RNASEK: variants seen among roughly 807,000 people sequenced by gnomAD.
The protein encoded by RNASEK is ribonuclease kappa.
RNASEK carries 7 observed loss-of-function variants against 11.2 expected under a neutral mutation model. That is an observed-to-expected ratio of 0.62 (90% confidence interval 0.35 to 1.17). The LOEUF (loss-of-function observed/expected upper bound fraction) is 1.17, where lower values mean the gene tolerates loss of function less well. RNASEK is among the 50% of genes most tolerant of loss of function. The pLI is 0.02. For missense variants in RNASEK, 101 were observed against 126.7 expected (o/e 0.80, Z 0.97); for synonymous variants, 46 against 49.5 (o/e 0.93, Z 0.30).
Position 7,013,502 on chromosome 17 carries a change from C to T in RNASEK, c.79-164C>T, listed in dbSNP as rs191867158. ...ACCACTTGTCTCAATGTCACCACCT[C>T]ACGCCCTGTTCCAGGTGGCTGAGTC... On this transcript the variant is annotated intron_variant, in intron 1 of 2. Coordinates refer to ENST00000593646, the MANE Select transcript of RNASEK (RefSeq NM_001004333.5). 505 of 1,573,618 alleles carry T rather than the reference C, an allele frequency of 3.2e-4. 2 individuals carry two copies. In the African/African-American group the frequency reaches 5.5e-3, roughly 17 times the overall value.
intron 1 of RNASEK, chr17:7,013,402 A>G (rs776966111): frequency 2.5e-5 from 39 of 1,535,754 alleles, no homozygotes; most frequent in Non-Finnish European, 3.4e-5. Context: ...TCCCGTGATG[A>G]TGACGCCTCC....
chr17:7,012,843 C>T lies in RNASEK; in HGVS notation c.78+82C>T, dbSNP rs375971867. 1.5e-4 allele frequency: 194 copies of T among 1,335,410 alleles called. 1 individual carries two copies. In the South Asian group the frequency reaches 2.2e-3, roughly 15 times the overall value. The allele number at this position is 1,335,410 out of a possible 1,614,324, so 82.7% of individuals were successfully genotyped here. On this transcript the variant is annotated intron_variant, in intron 1 of 2. Coordinates refer to ENST00000593646, the MANE Select transcript of RNASEK (RefSeq NM_001004333.5). ...GGCTGGGAGGCGAGGAAACTCTGGG[C>T]CGCAGGCAGGCCGGAGGGGCCGGGG...
rs1174769883 is a variant in RNASEK, at chr17:7,012,737, C to T, written c.54C>T (p.Leu18=). Residue 18 remains leucine (L), a synonymous_variant, in exon 1 of 3, where the codon CTC becomes CTT. Transcript: ENST00000593646. Reference sequence around the variant, plus strand: ...AGCTGGCCGCCTGCGGCATCGTCCTCAGCGCCTGGGGAGTGATCATGTTGG... The same window carrying T: ...AGCTGGCCGCCTGCGGCATCGTCCTTAGCGCCTGGGGAGTGATCATGTTGG... ...GPKLAACGIV[L]SAWGVIMLIM... is the part of the protein sequence containing the mutation. The T allele has an allele frequency of 1.2e-6, 2 of 1,613,276 alleles. No individual in the cohort carries two copies. The highest frequency in any genetic ancestry group is 1.7e-6 in the Non-Finnish European group (2 of 1,179,820).
At chr17:7,013,328 C>T in intron 1 of RNASEK, 8 of 1,520,368 alleles carry the variant, frequency 5.3e-6, no homozygotes, top group Non-Finnish European at 6.2e-6. Flanking sequence ...GTAATCCACC[C>T]ACCGCCACTT....
chr17:7,013,318 GT>G, intron 1 of RNASEK: 1 of 1,514,680 alleles, frequency 6.6e-7, no homozygotes, highest in Non-Finnish European at 8.8e-7. Flanking sequence ...TGTTTTCCCA[GT>G]AATCCACCCA....
chr17:7,013,248 TTGAA>T, intron 1 of RNASEK: 1 of 1,204,908 alleles, frequency 8.3e-7, no homozygotes, highest in Non-Finnish European at 1.1e-6. Context: ...GGTGCTTGAG[TTGAA>T]TGGAGGACAT....
At chr17:7,012,841 G>A in intron 1 of RNASEK, 80 bp downstream of exon 1, 2 of 1,363,930 alleles carry the variant, frequency 1.5e-6, no homozygotes, top group Non-Finnish European at 2.0e-6. Flanking sequence ...GGAAACTCTG[G>A]GCCGCAGGCA....
In RNASEK at chr17:7,014,052, G is replaced by A. The variant is rs1377466163; in HGVS notation, c.156-93G>A. On this transcript the variant is annotated intron_variant, in intron 2 of 2. Coordinates refer to ENST00000593646, the MANE Select transcript of RNASEK (RefSeq NM_001004333.5). The surrounding 1 kb of genome is among the most constrained non-coding windows in gnomAD (Gnocchi z 4.5). ...AAGAAGATTGAATAAAGTAATACACGTAACAGCGCCTAAACAGGTGTCGGG... is the reference window on the plus strand; with the variant it reads ...AAGAAGATTGAATAAAGTAATACACATAACAGCGCCTAAACAGGTGTCGGG... 7.6e-6 allele frequency: 9 copies of A among 1,179,374 alleles called. No individual in the cohort carries two copies. The highest frequency in any genetic ancestry group is 5.1e-5 in the East Asian group (2 of 39,030). The allele number at this position is 1,179,374 out of a possible 1,614,324, so 73.1% of individuals were successfully genotyped here.
Position 7,013,063 on chromosome 17 carries a change from T to C in RNASEK, c.78+302T>C, listed in dbSNP as rs990366808. 2.6e-4 allele frequency: 119 copies of C among 457,504 alleles called. 1 individual carries two copies. The East Asian group carries it at 5.3e-3, about 20-fold the overall frequency. The allele number at this position is 457,504 out of a possible 1,614,324, so 28.3% of individuals were successfully genotyped here. On this transcript the variant is annotated intron_variant, in intron 1 of 2. Coordinates refer to ENST00000593646, the MANE Select transcript of RNASEK (RefSeq NM_001004333.5). ...TCGCTTGAATCCGGGAGGCGGAGGG[T>C]GCAGTGAGCCGAGATCGCGCCACTG...
chr17:7,014,437 C>A lies in RNASEK; in HGVS notation c.*151C>A. On this transcript the variant is annotated 3_prime_UTR_variant, in exon 3 of 3. Coordinates refer to ENST00000593646, the MANE Select transcript of RNASEK (RefSeq NM_001004333.5). The surrounding 1 kb of genome is among the most constrained non-coding windows in gnomAD (Gnocchi z 4.5). Reference sequence around the variant, plus strand: ...GAATCCCTTCTCCCATCTCTGGCATCCGGCCCCCGTGGAGAGGGCTGAGGC... The same window carrying A: ...GAATCCCTTCTCCCATCTCTGGCATACGGCCCCCGTGGAGAGGGCTGAGGC... The A allele has an allele frequency of 1.2e-6, 1 of 806,502 alleles. No individual in the cohort carries two copies. The highest frequency in any genetic ancestry group is 1.9e-6 in the Non-Finnish European group (1 of 516,542). 50.0% of individuals were successfully genotyped at this position (806,502 alleles called of 1,614,324 possible).
Position 7,014,135 on chromosome 17 carries a change from C to T in RNASEK, c.156-10C>T. The T allele has an allele frequency of 6.4e-7, 1 of 1,552,780 alleles. No homozygotes were observed. Among genetic ancestry groups the T allele is most frequent in the Non-Finnish European group, 8.7e-7 (1 of 1,147,470 alleles). ...AAAGTTTGACCCCTTTGCTTCATTCCCACCCCCAGGAATGGCCCCCAGAAC... is the reference window on the plus strand; with the variant it reads ...AAAGTTTGACCCCTTTGCTTCATTCTCACCCCCAGGAATGGCCCCCAGAAC... On this transcript the variant is annotated splice_polypyrimidine_tract_variant and intron_variant, in intron 2 of 2. Coordinates refer to ENST00000593646, the MANE Select transcript of RNASEK (RefSeq NM_001004333.5). This position sits in a 1 kb window ranked among gnomAD's most constrained non-coding sequence, Gnocchi z 4.5.
chr17:7,013,820 G>T (rs1909609828), intron 2 of RNASEK, 78 bp downstream of exon 2: 1 of 1,164,738 alleles, frequency 8.6e-7, no homozygotes, highest in African/African-American at 1.5e-5. Context: ...ACGTCTGGGA[G>T]GCCCGGTGCT....
chr17:7,012,904 T>A, intron 1 of RNASEK, 143 bp downstream of exon 1: 1 of 691,504 alleles, frequency 1.4e-6, no homozygotes, highest in Non-Finnish European at 2.4e-6. Context: ...AGACTGAAAT[T>A]GAAAAATGGG....
At chr17:7,013,641 C>T in intron 1 of RNASEK, 25 bp from the exon 2 acceptor site, 2 of 1,607,282 alleles carry the variant, frequency 1.2e-6, no homozygotes, top group Non-Finnish European at 1.7e-6. Flanking sequence ...CTGAATTCAA[C>T]AGTCTACCCA....
At chr17:7,013,235 A>C in intron 1 of RNASEK, 2 of 1,069,038 alleles carry the variant, frequency 1.9e-6, no homozygotes, top group Non-Finnish European at 2.6e-6. Flanking sequence ...GGGGTGCCTG[A>C]GAGGTGCTTG....
Position 7,012,880 on chromosome 17 carries a change from C to T in RNASEK, c.78+119C>T, listed in dbSNP as rs570206347. The T allele has an allele frequency of 1.9e-5, 16 of 831,870 alleles. No homozygotes were observed. The African/African-American group carries it at 2.6e-4, about 13-fold the overall frequency. The allele number at this position is 831,870 out of a possible 1,614,324, so 51.5% of individuals were successfully genotyped here. On this transcript the variant is annotated intron_variant, in intron 1 of 2. Transcript: ENST00000593646. ...CGGAGGGGCCGGGGATCTACAGGCC[C>T]CGGAGAAGGAGACAGACTGAAATTG...
At chr17:7,012,862 G>T (rs553549303) in intron 1 of RNASEK, 101 bp downstream of exon 1, 58 of 1,066,270 alleles carry the variant, frequency 5.4e-5, no homozygotes, top group Non-Finnish European at 7.6e-5. Flanking sequence ...GGCCGGAGGG[G>T]CCGGGGATCT....
At position 7,012,671 on chromosome 17, in the gene RNASEK, G is replaced by T. The variant is rs971329888; in HGVS notation, c.-13G>T. 1 of 1,612,498 alleles carries T rather than the reference G, an allele frequency of 6.2e-7. No individual in the cohort carries two copies. The highest frequency in any genetic ancestry group is 1.7e-5 in the Admixed American group (1 of 60,024). On this transcript the variant is annotated 5_prime_UTR_variant, in exon 1 of 3. Coordinates refer to ENST00000593646, the MANE Select transcript of RNASEK (RefSeq NM_001004333.5). ...GCCCGCTTGCACCTCGGCGATCCCCGACTCCCTTCTTTATGGCGTCGCTCC... is the reference window on the plus strand; with the variant it reads ...GCCCGCTTGCACCTCGGCGATCCCCTACTCCCTTCTTTATGGCGTCGCTCC...
chr17:7,012,800 G>T, intron 1 of RNASEK, 39 bp downstream of exon 1: 1 of 1,590,538 alleles, frequency 6.3e-7, no homozygotes. Context: ...GAGGGCCTGA[G>T]GGGCTCCGGG....
Sources: gnomAD v4.1 joint callset for allele counts on GRCh38, gnomAD v4.1.1 for gene constraint, Gnocchi (gnomAD v3.1) non-coding constraint, MANE v1.5 for transcripts, NCBI Gene and HGNC (gene_info 2026-07-23, HGNC 2026-07-21) for gene names.